NUDT3: variants seen among roughly 807,000 people sequenced by gnomAD.
The protein encoded by NUDT3 is nudix hydrolase 3.
Under a neutral mutation model 23.6 loss-of-function variants are expected in NUDT3, and 9 were observed. The ratio of observed to expected loss-of-function variants is 0.38; its 90% CI spans 0.23 to 0.66. The LOEUF is 0.66. Among genes scored for constraint, NUDT3 ranks in the 30% least tolerant of loss-of-function variants. NUDT3 has a pLI of 0.52. For missense variants in NUDT3, 172 were observed against 218.5 expected (o/e 0.79, Z 1.34); for synonymous variants, 86 against 82.6 (o/e 1.04, Z -0.22).
At chr6:34,376,203 G>C (rs995437429) in intron 1 of NUDT3, among the ~76,000 whole-genome samples, 3 of 151,946 alleles carry the variant, frequency 2.0e-5, no homozygotes, top group Admixed American at 2.0e-4. Context: ...CTGTCACCCA[G>C]GATCAAAATT....
chr6:34,383,533 T>G (rs1561925433), intron 1 of NUDT3, among the ~76,000 whole-genome samples: 1 of 152,124 alleles, frequency 6.6e-6, no homozygotes, highest in Non-Finnish European at 1.5e-5. Context: ...GCAGTCTTAT[T>G]TATCCATGTA....
intron 2 of NUDT3, among the ~76,000 whole-genome samples, chr6:34,311,155 A>G (rs1157509456): frequency 6.6e-6 from 1 of 152,248 alleles, no homozygotes; most frequent in African/African-American, 2.4e-5. Context: ...TCGTTTGCAG[A>G]TGACATGATT....
At chr6:34,301,174 T>C (rs1195226387) in intron 2 of NUDT3, among the ~76,000 whole-genome samples, 1 of 152,244 alleles carries the variant, frequency 6.6e-6, no homozygotes, top group Non-Finnish European at 1.5e-5. Flanking sequence ...CTAATCTATC[T>C]CCTTGTTACC....
At chr6:34,303,279 T>C (rs1489539418) in intron 2 of NUDT3, among the ~76,000 whole-genome samples, 1 of 146,406 alleles carries the variant, frequency 6.8e-6, no homozygotes, top group African/African-American at 2.6e-5. Flanking sequence ...ACCAGAAATA[T>C]TCAGCTGGTT....
intron 2 of NUDT3, among the ~76,000 whole-genome samples, chr6:34,334,019 GA>G (rs1263472970): frequency 1.2e-4 from 19 of 152,258 alleles, no homozygotes; most frequent in South Asian, 4.1e-4. Flanking sequence ...CGCAGTGGAA[GA>G]GGGGGGCTGA....
At chr6:34,329,407 A>G (rs1764092446) in intron 2 of NUDT3, among the ~76,000 whole-genome samples, 1 of 151,990 alleles carries the variant, frequency 6.6e-6, no homozygotes, top group Non-Finnish European at 1.5e-5. Context: ...CAGCCTCCCG[A>G]GTAGCTGGGA....
At chr6:34,292,172 T>C (rs1763432862) in intron 4 of NUDT3, among the ~76,000 whole-genome samples, 2 of 152,158 alleles carry the variant, frequency 1.3e-5, no homozygotes, top group African/African-American at 4.8e-5. Flanking sequence ...GCACACCTGT[T>C]AGGGAGTCTG....
At chr6:34,359,509 T>C (rs1210786255) in intron 1 of NUDT3, among the ~76,000 whole-genome samples, 1 of 152,254 alleles carries the variant, frequency 6.6e-6, no homozygotes, top group Admixed American at 6.5e-5. Flanking sequence ...TTCATATAAA[T>C]GGAAGCATAC....
At chr6:34,376,300 G>A (rs1214792960) in intron 1 of NUDT3, among the ~76,000 whole-genome samples, 1 of 151,858 alleles carries the variant, frequency 6.6e-6, no homozygotes, top group East Asian at 1.9e-4. Context: ...AGGCTGGAGT[G>A]CAGTGGCACT....
intron 1 of NUDT3, among the ~76,000 whole-genome samples, chr6:34,354,394 AACACACACACACAC>A (rs370168110): frequency 1.5e-5 from 2 of 137,634 alleles, no homozygotes; most frequent in South Asian, 2.4e-4. Flanking sequence ...GATTTCATTA[AACACACACACACAC>A]ACACACACAC....
At chr6:34,379,541 C>G (rs896496945) in intron 1 of NUDT3, among the ~76,000 whole-genome samples, 2 of 151,308 alleles carry the variant, frequency 1.3e-5, no homozygotes, top group Admixed American at 6.6e-5. Context: ...GCCTGGGCGA[C>G]AGAGAGAGAC....
chr6:34,373,393 T>G (rs1764868543), intron 1 of NUDT3, among the ~76,000 whole-genome samples: 1 of 109,960 alleles, frequency 9.1e-6, no homozygotes, highest in African/African-American at 5.2e-5. Flanking sequence ...ATTTCCTTCA[T>G]ACGTTTTGGG....
chr6:34,330,026 C>A (rs1411815879), intron 2 of NUDT3, among the ~76,000 whole-genome samples: 1 of 152,234 alleles, frequency 6.6e-6, no homozygotes, highest in African/African-American at 2.4e-5. Context: ...CTATGTGCCA[C>A]ATTTTCTTAA....
At position 34,281,698 on chromosome 6, in the gene NUDT3, G is replaced by A. The variant is rs1763281251; in HGVS notation, c.*7055C>T. 6.6e-6 allele frequency: 1 copy of A among 152,218 alleles called. No individual in the cohort carries two copies. Among genetic ancestry groups the A allele is most frequent in the African/African-American group, 2.4e-5 (1 of 41,460 alleles). 9.4% of individuals were successfully genotyped at this position (152,218 alleles called of 1,614,324 possible). A position where few individuals can be genotyped will look rare whatever the true frequency, so the allele number is the denominator to read the frequency against. ...GGACTCTGATGTTTCTGATCCCTGA[G>A]CAACACATCTATGTCCATTCACAGA... On this transcript the variant is annotated 3_prime_UTR_variant, in exon 5 of 5. Coordinates refer to ENST00000607016, the MANE Select transcript of NUDT3 (RefSeq NM_006703.4).
chr6:34,300,001 G>C (rs1763575471), intron 2 of NUDT3, among the ~76,000 whole-genome samples: 1 of 151,892 alleles, frequency 6.6e-6, no homozygotes, highest in East Asian at 1.9e-4. Context: ...CTCCCACCTT[G>C]GTCTCCCAAA....
chr6:34,355,232 A>G (rs1764543768), intron 1 of NUDT3, among the ~76,000 whole-genome samples: 1 of 152,208 alleles, frequency 6.6e-6, no homozygotes, highest in Non-Finnish European at 1.5e-5. Flanking sequence ...TTATTATTAT[A>G]AATGGACATT....
chr6:34,315,088 A>G (rs1292717722), intron 2 of NUDT3, among the ~76,000 whole-genome samples: 2 of 152,226 alleles, frequency 1.3e-5, no homozygotes, highest in South Asian at 4.1e-4. Flanking sequence ...TTGAATTTGC[A>G]GTTACTACAG....
intron 1 of NUDT3, among the ~76,000 whole-genome samples, chr6:34,367,823 AAAG>A (rs562406816): frequency 5.3e-5 from 8 of 152,202 alleles, no homozygotes; most frequent in Non-Finnish European, 1.0e-4. Flanking sequence ...AAAGATGGAG[AAAG>A]AAGAGCTGTG....
chr6:34,352,193 C>T (rs541375733), intron 1 of NUDT3, among the ~76,000 whole-genome samples: 3 of 152,210 alleles, frequency 2.0e-5, no homozygotes, highest in South Asian at 2.1e-4. Context: ...GAGACAGGGT[C>T]TCACTCTGTC....
Sources: gnomAD v4.1 joint callset for allele counts (sites outside exome capture counted in the v4.1 genomes callset) on GRCh38, gnomAD v4.1.1 for gene constraint, MANE v1.5 for transcripts, NCBI Gene and HGNC (gene_info 2026-07-23, HGNC 2026-07-21) for gene names.